KCNMB2: variants seen among roughly 807,000 people sequenced by gnomAD.
KCNMB2 encodes potassium calcium-activated channel subfamily M regulatory beta subunit 2.
KCNMB2 carries 9 observed loss-of-function variants against 24.5 expected under a neutral mutation model. The observed-to-expected ratio is 0.37, with a 90% CI of 0.22 to 0.64. KCNMB2 has a LOEUF of 0.64. Ranked by LOEUF, KCNMB2 falls within the 30% of genes least tolerant of loss-of-function variation. The probability of loss-of-function intolerance (pLI) is 0.63; values close to 1 mark genes in which losing one functional copy is unlikely to be tolerated. For synonymous variants in KCNMB2, 109 were observed against 104.4 expected, an observed-to-expected ratio of 1.04 and a Z score of -0.27; for missense variants, 226 against 284.3, an observed-to-expected ratio of 0.79 and a Z score of 1.47.
chr3:178,615,490 G>A (rs1718672425), intron 1 of KCNMB2, among the ~76,000 whole-genome samples: 1 of 152,184 alleles, frequency 6.6e-6, no homozygotes, highest in African/African-American at 2.4e-5. Context: ...AATCACAGAC[G>A]CACTTGTTCC....
intron 1 of KCNMB2, among the ~76,000 whole-genome samples, chr3:178,667,392 A>G (rs1483260184): frequency 6.6e-6 from 1 of 152,162 alleles, no homozygotes; most frequent in African/African-American, 2.4e-5. Context: ...ACCCTCATAA[A>G]AAAGGCTTCA....
In KCNMB2 at chr3:178,563,489, T is replaced by C. The variant is rs548546556; in HGVS notation, c.-68+26778T>C. The stretch of plus-strand genomic sequence containing the variant: ...ACCAGGGTCCAGGCCTAGATGGTTC[T>C]CGAAGGTAGCTTATAAACCTGGACT... On this transcript the variant is annotated intron_variant, in intron 1 of 4. Coordinates refer to ENST00000452583, the MANE Select transcript of KCNMB2 (RefSeq NM_181361.3). Among the ~76,000 whole-genome samples, 6 of 152,254 alleles carry C rather than the reference T, an allele frequency of 3.9e-5. No homozygotes were observed. In the South Asian group the frequency reaches 1.2e-3, roughly 32 times the overall value.
chr3:178,841,324 A>T (rs1715419362), intron 4 of KCNMB2, among the ~76,000 whole-genome samples: 1 of 152,162 alleles, frequency 6.6e-6, no homozygotes, highest in Non-Finnish European at 1.5e-5. Flanking sequence ...AGGAAGTTCC[A>T]AATTATCCTT....
intron 1 of KCNMB2, among the ~76,000 whole-genome samples, chr3:178,705,512 G>A (rs931211285): frequency 6.6e-6 from 1 of 152,098 alleles, no homozygotes; most frequent in Admixed American, 6.6e-5. Flanking sequence ...GAGAGAGTAG[G>A]TTTTATTTTC....
chr3:178,588,651 A>C (rs536837130), intron 1 of KCNMB2, among the ~76,000 whole-genome samples: 1 of 152,266 alleles, frequency 6.6e-6, no homozygotes, highest in East Asian at 1.9e-4. Flanking sequence ...ATATGTATAT[A>C]TGAGTGGATA....
chr3:178,699,437 T>C (rs11928566), intron 1 of KCNMB2, among the ~76,000 whole-genome samples: 2,404 of 152,256 alleles, frequency 0.016, 67 homozygotes, highest in African/African-American at 0.055. Context: ...TGATGTGGGC[T>C]TGGGGAAAGC....
At position 178,633,584 on chromosome 3, in the gene KCNMB2, G is replaced by T. The variant is rs1719405943; in HGVS notation, c.-68+96873G>T. On this transcript the variant is annotated intron_variant, in intron 1 of 4. Coordinates refer to ENST00000452583, the MANE Select transcript of KCNMB2 (RefSeq NM_181361.3). Reference sequence around the variant, plus strand: ...CCAAGGCCTGAGGCTGCACACAGTGGTCACAGGGTGGGTGGGCACCTGTAC... The same window carrying T: ...CCAAGGCCTGAGGCTGCACACAGTGTTCACAGGGTGGGTGGGCACCTGTAC... 3.9e-5 allele frequency among the ~76,000 whole-genome samples: 6 copies of T among 152,294 alleles called. No homozygotes were observed. In the South Asian group the frequency reaches 1.2e-3, roughly 32 times the overall value.
intron 1 of KCNMB2, among the ~76,000 whole-genome samples, chr3:178,629,169 C>A (rs1719224316): frequency 6.6e-6 from 1 of 152,134 alleles, no homozygotes; most frequent in Admixed American, 6.6e-5. Flanking sequence ...CTCCTTCCTG[C>A]ATTTTTAGTT....
At chr3:178,642,703 T>C (rs981542626) in intron 1 of KCNMB2, among the ~76,000 whole-genome samples, 3 of 152,240 alleles carry the variant, frequency 2.0e-5, no homozygotes, top group Non-Finnish European at 4.4e-5. Context: ...TCTTGCAGTG[T>C]AATCAAGACA....
At chr3:178,774,134 CG>C (rs1712484364) in intron 1 of KCNMB2, among the ~76,000 whole-genome samples, 1 of 152,082 alleles carries the variant, frequency 6.6e-6, no homozygotes, top group African/African-American at 2.4e-5. Context: ...CCTAAGCCCA[CG>C]AACATGGGCT....
chr3:178,833,936 C>T (rs1332745712), intron 4 of KCNMB2, among the ~76,000 whole-genome samples: 1 of 152,110 alleles, frequency 6.6e-6, no homozygotes, highest in Non-Finnish European at 1.5e-5. Flanking sequence ...ACAAGGCTGT[C>T]ACTAGCATCA....
At chr3:178,683,376 A>G (rs1487519151) in intron 1 of KCNMB2, among the ~76,000 whole-genome samples, 1 of 151,862 alleles carries the variant, frequency 6.6e-6, no homozygotes, top group Non-Finnish European at 1.5e-5. Context: ...GTTGGGCACT[A>G]TGCTCAGTAC....
intron 1 of KCNMB2, among the ~76,000 whole-genome samples, chr3:178,742,087 A>T (rs1723513219): frequency 6.6e-6 from 1 of 152,258 alleles, no homozygotes; most frequent in Non-Finnish European, 1.5e-5. Context: ...AATACATTTG[A>T]CTACAGAACG....
At chr3:178,792,516 T>A (rs113172520) in intron 1 of KCNMB2, among the ~76,000 whole-genome samples, 1 of 151,850 alleles carries the variant, frequency 6.6e-6, no homozygotes, top group Non-Finnish European at 1.5e-5. Context: ...AAGAGAAGAC[T>A]GCAAAACAAC....
At chr3:178,782,748 T>A (rs1285452305) in intron 1 of KCNMB2, among the ~76,000 whole-genome samples, 8 of 151,696 alleles carry the variant, frequency 5.3e-5, no homozygotes, top group Non-Finnish European at 1.2e-4. Context: ...GTTTGCCTGT[T>A]CACTCTGATG....
intron 1 of KCNMB2, chr3:178,537,371 C>A (rs1428528120): frequency 1.3e-5 from 2 of 152,192 alleles, no homozygotes; most frequent in Non-Finnish European, 2.9e-5. Context: ...TCGGTTCCTG[C>A]TCTTGCTTTT....
intron 1 of KCNMB2, among the ~76,000 whole-genome samples, chr3:178,585,693 A>G (rs1043507750): frequency 1.3e-5 from 2 of 152,206 alleles, no homozygotes; most frequent in Admixed American, 1.3e-4. Context: ...GGCTTGATCC[A>G]GAGACTTAGG....
At chr3:178,627,792 A>G (rs995822715) in intron 1 of KCNMB2, among the ~76,000 whole-genome samples, 8 of 152,150 alleles carry the variant, frequency 5.3e-5, no homozygotes, top group Non-Finnish European at 1.0e-4. Context: ...CTTCTCAAAG[A>G]CTTGAATTGT....
In KCNMB2 at chr3:178,607,795, GCT is replaced by G. The variant is rs374364955; in HGVS notation, c.-68+71087_-68+71088del. Among the ~76,000 whole-genome samples the G allele has an allele frequency of 2.2e-4, 33 of 152,132 alleles. No homozygotes were observed. The East Asian group carries it at 5.4e-3, about 25-fold the overall frequency. ...TCTAACATAAGTAATTTCCTTCTAT[GCT>G]CTGTTATCTTGTTAATACAGTCATT... is the stretch of plus-strand genomic sequence containing the variant. On this transcript the variant is annotated intron_variant, in intron 1 of 4. Coordinates refer to ENST00000452583, the MANE Select transcript of KCNMB2 (RefSeq NM_181361.3).
Sources: gnomAD v4.1 joint callset for allele counts (sites outside exome capture counted in the v4.1 genomes callset) on GRCh38, gnomAD v4.1.1 for gene constraint, MANE v1.5 for transcripts, NCBI Gene and HGNC (gene_info 2026-07-23, HGNC 2026-07-21) for gene names.